Variants in GGT7 observed in about 807,000 individuals in gnomAD.
The protein encoded by GGT7 is gamma-glutamyltransferase 7.
In GGT7, 30 loss-of-function variants were observed where a neutral mutation model predicts 69.2. The observed-to-expected ratio is 0.43, with a 90% CI of 0.32 to 0.59. The LOEUF is 0.59. Among genes scored for constraint, GGT7 ranks in the 20% least tolerant of loss-of-function variants. The pLI is 0.05. For missense variants in GGT7, 733 were observed against 901.1 expected, an observed-to-expected ratio of 0.81 and a Z score of 2.39; for synonymous variants, 388 against 391.8, an observed-to-expected ratio of 0.99 and a Z score of 0.12.
rs750114916 is a variant in GGT7, at chr20:34,849,161, CT to C, written c.1825+799del. 9.7e-3 allele frequency among the ~76,000 whole-genome samples: 1,341 copies of C among 138,300 alleles called. 6 individuals are homozygous for C. The highest frequency in any genetic ancestry group is 0.011 in the Admixed American group (152 of 13,688). The allele number at this position is 138,300 out of a possible 152,430, so 90.7% of individuals were successfully genotyped here. ...TCTTTGTATAGTGGGCTCTCTCTTA[CT>C]TTTTTTTTTTTTTTTTAGGAGATAG... On this transcript the variant is annotated intron_variant, in intron 14 of 14. Transcript: ENST00000336431.
intron 1 of GGT7, among the ~76,000 whole-genome samples, chr20:34,865,138 T>C (rs1276646963): frequency 2.6e-5 from 4 of 151,448 alleles, no homozygotes; most frequent in African/African-American, 9.7e-5. Context: ...TAGAGAGTTT[T>C]AAGCAAGAAT....
At chr20:34,859,358 G>T in intron 7 of GGT7, 85 bp downstream of exon 7, 1 of 990,160 alleles carries the variant, frequency 1.0e-6, no homozygotes, top group Non-Finnish European at 1.5e-6. Context: ...GAGGGAGGGA[G>T]GGAAGGAAGG....
chr20:34,853,340 GGTGT>G (rs10527077), intron 10 of GGT7, among the ~76,000 whole-genome samples: 9,516 of 147,288 alleles, frequency 0.065, 444 homozygotes, highest in East Asian at 0.22. Context: ...ATTTCATATA[GGTGT>G]GTGTGTGTGT....
chr20:34,872,653 C>T lies in GGT7; in HGVS notation c.163G>A (p.Asp55Asn). Reference protein sequence around the residue: ...KDEDAFLGDPDTDPDSFLKSA... With the variant: ...KDEDAFLGDPNTDPDSFLKSA... ...CGGGGTCAGCGGGCCTCACCGGTGT[C>T]GGGGTCTCCCAGAAAGGCGTCCTCG... The change falls in exon 1 of 15, where the codon GAC becomes AAC. Residue 55 changes from aspartate (D) to asparagine (N), a missense_variant. Physicochemically the swap from Asp to Asn is conservative, Grantham distance 23. Transcript: ENST00000336431. 2.0e-6 allele frequency: 3 copies of T among 1,472,312 alleles called. No homozygotes were observed. Among genetic ancestry groups the T allele is most frequent in the Admixed American group, 2.7e-5 (1 of 36,850 alleles). The allele number at this position is 1,472,312 out of a possible 1,614,324, so 91.2% of individuals were successfully genotyped here.
chr20:34,861,636 A>T, intron 3 of GGT7, 74 bp from the exon 4 acceptor site: 1 of 896,366 alleles, frequency 1.1e-6, no homozygotes, highest in Non-Finnish European at 1.6e-6. Context: ...CTGCCCCTCC[A>T]CCCCCAGTGG....
chr20:34,850,771 C>A (rs116491761), intron 13 of GGT7: 15 of 479,264 alleles, frequency 3.1e-5, no homozygotes, highest in Non-Finnish European at 5.9e-5. Flanking sequence ...AACTTAAGAT[C>A]GTTAACTCAC....
At chr20:34,869,756 T>C (rs1186206046) in intron 1 of GGT7, among the ~76,000 whole-genome samples, 1 of 152,110 alleles carries the variant, frequency 6.6e-6, no homozygotes, top group Non-Finnish European at 1.5e-5. Context: ...ACTGGGTGAC[T>C]GGCAGTGTCA....
chr20:34,872,850 C>G lies in GGT7; in HGVS notation c.-35G>C. ...CGCCCCCCAGCAGCGCAGCGCCTGC[C>G]GGAAGTGGCTGCGGCGGGGGAGTGG... On this transcript the variant is annotated 5_prime_UTR_variant, in exon 1 of 15. Transcript: ENST00000336431. 7.6e-7 allele frequency: 1 copy of G among 1,315,568 alleles called. No individual in the cohort carries two copies. The highest frequency in any genetic ancestry group is 9.8e-7 in the Non-Finnish European group (1 of 1,024,782). The allele number at this position is 1,315,568 out of a possible 1,614,324, so 81.5% of individuals were successfully genotyped here. A position where few individuals can be genotyped will look rare whatever the true frequency, so the allele number is the denominator to read the frequency against.
At chr20:34,845,814 C>G (rs1329707157) in intron 14 of GGT7, among the ~76,000 whole-genome samples, 1 of 152,090 alleles carries the variant, frequency 6.6e-6, no homozygotes, top group East Asian at 1.9e-4. Context: ...AATCCCAGCA[C>G]TTTGGGAGGC....
intron 1 of GGT7, among the ~76,000 whole-genome samples, chr20:34,866,807 C>A (rs373529719): frequency 1.4e-4 from 22 of 152,254 alleles, no homozygotes; most frequent in African/African-American, 5.3e-4. Flanking sequence ...TCTTGAACTC[C>A]TGACCTCAGG....
At chr20:34,861,094 C>T (rs1306283148) in intron 4 of GGT7, among the ~76,000 whole-genome samples, 1 of 152,158 alleles carries the variant, frequency 6.6e-6, no homozygotes, top group African/African-American at 2.4e-5. Context: ...TCTGGCAATT[C>T]CCCTCTAATC....
chr20:34,868,468 T>C (rs1213461757), intron 1 of GGT7, among the ~76,000 whole-genome samples: 3 of 152,238 alleles, frequency 2.0e-5, no homozygotes, highest in Admixed American at 1.3e-4. Context: ...TTGGTTATTA[T>C]AAATTTGTGG....
At chr20:34,856,525 C>G (rs2079493834) in intron 8 of GGT7, among the ~76,000 whole-genome samples, 1 of 152,166 alleles carries the variant, frequency 6.6e-6, no homozygotes, top group Non-Finnish European at 1.5e-5. Flanking sequence ...CAACACAGAG[C>G]CCAAATCAAG....
In GGT7 at chr20:34,854,941, G is replaced by A. The variant is rs762302100; in HGVS notation, c.1103-18C>T. On this transcript the variant is annotated intron_variant, in intron 8 of 14. Coordinates refer to ENST00000336431, the MANE Select transcript of GGT7 (RefSeq NM_178026.3). ...CAGGTGGCCTGAAAGGACAGGAAGT[G>A]ACTGATGGCAGGGTAGGGGTCAAGG... 3 of 1,612,172 alleles carry A rather than the reference G, an allele frequency of 1.9e-6. No homozygotes were observed. In the East Asian group the frequency reaches 6.7e-5, roughly 36 times the overall value.
intron 8 of GGT7, among the ~76,000 whole-genome samples, chr20:34,856,056 G>A (rs1203769863): frequency 3.3e-5 from 5 of 152,132 alleles, no homozygotes; most frequent in Admixed American, 6.5e-5. Context: ...GCCTCCCAAT[G>A]TGCTGGGGTT....
At chr20:34,862,760 AG>A in intron 3 of GGT7, 53 bp downstream of exon 3, 1 of 1,580,624 alleles carries the variant, frequency 6.3e-7, no homozygotes, top group Non-Finnish European at 8.7e-7. Context: ...TGAGGCCTAC[AG>A]ACCTGGAGGC....
At chr20:34,867,085 T>TTGC (rs139939219) in intron 1 of GGT7, among the ~76,000 whole-genome samples, 1 of 151,934 alleles carries the variant, frequency 6.6e-6, no homozygotes. Context: ...GTTGTTGTTG[T>TTGC]TGCTGTTGCT....
Position 34,863,667 on chromosome 20 carries a change from T to A in GGT7, c.170-119A>T, listed in dbSNP as rs747767831. 13 of 757,292 alleles carry A rather than the reference T, an allele frequency of 1.7e-5. No homozygotes were observed. In the South Asian group the frequency reaches 1.8e-4, roughly 10 times the overall value. 46.9% of individuals were successfully genotyped at this position (757,292 alleles called of 1,614,324 possible). A position where few individuals can be genotyped will look rare whatever the true frequency, so the allele number is the denominator to read the frequency against. ...CCTGCCACACAATCCCCGCACTGGC[T>A]AGCACTACTCACCTTTCCTCATTTT... On this transcript the variant is annotated intron_variant, in intron 1 of 14. Coordinates refer to ENST00000336431, the MANE Select transcript of GGT7 (RefSeq NM_178026.3). This position sits in a 1 kb window ranked among gnomAD's most constrained non-coding sequence, Gnocchi z 4.4.
In GGT7 at chr20:34,854,783, G is replaced by A. The variant is rs375038944; in HGVS notation, c.1230+13C>T. On this transcript the variant is annotated intron_variant, in intron 9 of 14. Transcript: ENST00000336431. Reference sequence around the variant, plus strand: ...TCCTTAAATCCAGGGAAAGGCAGACGGGTCAGCCTTACCTCTGCCACCCAG... The same window carrying A: ...TCCTTAAATCCAGGGAAAGGCAGACAGGTCAGCCTTACCTCTGCCACCCAG... The A allele has an allele frequency of 1.4e-5, 22 of 1,613,742 alleles. No homozygotes were observed. Among genetic ancestry groups the A allele is most frequent in the Non-Finnish European group, 1.5e-5 (18 of 1,179,776 alleles).
Sources: gnomAD v4.1 joint callset for allele counts (sites outside exome capture counted in the v4.1 genomes callset) on GRCh38, gnomAD v4.1.1 for gene constraint, Gnocchi (gnomAD v3.1) non-coding constraint, MANE v1.5 for transcripts, NCBI Gene and HGNC (gene_info 2026-07-23, HGNC 2026-07-21) for gene names.